Variants in CTNNA2 observed in about 807,000 individuals in gnomAD.
CTNNA2 encodes catenin alpha-2.
CTNNA2 carries 42 observed loss-of-function variants against 101.0 expected under a neutral mutation model. The observed-to-expected ratio is 0.42, with a 90% CI of 0.32 to 0.54. The LOEUF is 0.54. Ranked by LOEUF, CTNNA2 falls within the 20% of genes least tolerant of loss-of-function variation. The pLI is 0.14. For synonymous variants in CTNNA2, 450 were observed against 456.4 expected (o/e 0.99, Z 0.18); for missense variants, 871 against 1,223.1 (o/e 0.71, Z 4.29).
chr2:79,710,274 G>A (rs1038127568), intron 2 of CTNNA2, among the ~76,000 whole-genome samples: 3 of 151,802 alleles, frequency 2.0e-5, no homozygotes, highest in African/African-American at 7.3e-5. Flanking sequence ...CTTCCGTAAT[G>A]TTGCTATTGC....
chr2:79,502,337 A>G (rs1484976550), intron 4 of CTNNA2, among the ~76,000 whole-genome samples: 2 of 152,196 alleles, frequency 1.3e-5, no homozygotes, highest in Non-Finnish European at 2.9e-5. Context: ...TCAGACTTTA[A>G]TGTGGCTTAT....
chr2:80,143,665 T>G (rs1024304419), intron 7 of CTNNA2, among the ~76,000 whole-genome samples: 1 of 151,984 alleles, frequency 6.6e-6, no homozygotes, highest in Admixed American at 6.6e-5. Flanking sequence ...TCCTACATTC[T>G]CCTTTCAAAA....
intron 3 of CTNNA2, among the ~76,000 whole-genome samples, chr2:79,318,683 G>C (rs1349589543): frequency 6.6e-6 from 1 of 152,200 alleles, no homozygotes; most frequent in Non-Finnish European, 1.5e-5. Flanking sequence ...AATCTAGCCT[G>C]CTGCCTGTTT....
intron 1 of CTNNA2, among the ~76,000 whole-genome samples, chr2:79,553,435 G>C (rs1010275042): frequency 1.3e-5 from 2 of 152,082 alleles, no homozygotes; most frequent in Non-Finnish European, 2.9e-5. Flanking sequence ...CCCCACTCCT[G>C]GTATGAATTT....
intron 2 of CTNNA2, among the ~76,000 whole-genome samples, chr2:79,274,867 G>A (rs1237042592): frequency 3.9e-5 from 6 of 151,986 alleles, no homozygotes; most frequent in African/African-American, 1.4e-4. Flanking sequence ...TTGTGAAATA[G>A]ATCATTCTTT....
intron 2 of CTNNA2, among the ~76,000 whole-genome samples, chr2:79,739,195 A>C (rs1261315480): frequency 6.6e-6 from 1 of 151,756 alleles, no homozygotes; most frequent in Non-Finnish European, 1.5e-5. Flanking sequence ...GGAATTAGAG[A>C]GAATCCCTGG....
chr2:79,619,066 C>G (rs950734289), intron 1 of CTNNA2, among the ~76,000 whole-genome samples: 1 of 152,038 alleles, frequency 6.6e-6, no homozygotes, highest in Admixed American at 6.6e-5. Context: ...ATTAGCTGGG[C>G]GTGGTGGCGG....
At chr2:80,346,397 A>G (rs1429746148) in intron 7 of CTNNA2, among the ~76,000 whole-genome samples, 1 of 152,052 alleles carries the variant, frequency 6.6e-6, no homozygotes, top group South Asian at 2.1e-4. Context: ...CACACTTTTA[A>G]ATGACCAGAT....
intron 12 of CTNNA2, among the ~76,000 whole-genome samples, chr2:80,557,482 G>C (rs1435429079): frequency 6.6e-6 from 1 of 152,126 alleles, no homozygotes; most frequent in Non-Finnish European, 1.5e-5. Flanking sequence ...CTTCATGTGA[G>C]ATATCTGACA....
intron 9 of CTNNA2, among the ~76,000 whole-genome samples, chr2:80,500,019 T>G (rs2149531099): frequency 6.6e-6 from 1 of 151,898 alleles, no homozygotes; most frequent in South Asian, 2.1e-4. Context: ...AAGTCTTAAA[T>G]ACTTATTATA....
intron 2 of CTNNA2, among the ~76,000 whole-genome samples, chr2:79,217,834 C>T (rs1013609483): frequency 6.6e-6 from 1 of 152,182 alleles, no homozygotes; most frequent in African/African-American, 2.4e-5. Context: ...TACCCAATTC[C>T]TATTTTCTCT....
chr2:79,195,042 T>A (rs576436705), intron 1 of CTNNA2, among the ~76,000 whole-genome samples: 2 of 152,284 alleles, frequency 1.3e-5, no homozygotes, highest in South Asian at 2.1e-4. Context: ...GAACTGTGAA[T>A]TGGCATGCAT....
chr2:79,729,402 C>G (rs1186282563), intron 2 of CTNNA2, among the ~76,000 whole-genome samples: 1 of 152,070 alleles, frequency 6.6e-6, no homozygotes, highest in East Asian at 1.9e-4. Context: ...CATTTGGCAC[C>G]TAAGTAAGAA....
intron 1 of CTNNA2, among the ~76,000 whole-genome samples, chr2:79,527,504 G>T (rs888308145): frequency 6.7e-6 from 1 of 148,662 alleles, no homozygotes; most frequent in Admixed American, 6.7e-5. Context: ...AATTAACCAG[G>T]CCTGGTGGTT....
chr2:80,185,416 A>G (rs1469460300), intron 7 of CTNNA2, among the ~76,000 whole-genome samples: 1 of 152,176 alleles, frequency 6.6e-6, no homozygotes, highest in Non-Finnish European at 1.5e-5. Flanking sequence ...TTAGAAGCTA[A>G]TTACTAAGTC....
At chr2:79,285,130 G>C (rs1446862479) in intron 2 of CTNNA2, among the ~76,000 whole-genome samples, 2 of 151,250 alleles carry the variant, frequency 1.3e-5, no homozygotes, top group Non-Finnish European at 2.9e-5. Flanking sequence ...TTTTTATTGT[G>C]TCTATTTGAT....
chr2:80,221,071 C>T (rs912854250), intron 7 of CTNNA2, among the ~76,000 whole-genome samples: 3 of 152,064 alleles, frequency 2.0e-5, no homozygotes, highest in Admixed American at 6.6e-5. Context: ...GTAGTAGAGA[C>T]GGGGTTTTAC....
intron 7 of CTNNA2, among the ~76,000 whole-genome samples, chr2:80,225,695 A>G (rs1000347466): frequency 6.6e-5 from 10 of 152,254 alleles, no homozygotes; most frequent in African/African-American, 2.4e-4. Context: ...GCTGAAGCAT[A>G]AATGTAGGAT....
intron 1 of CTNNA2, among the ~76,000 whole-genome samples, chr2:79,542,151 C>T (rs1673465272): frequency 2.6e-5 from 4 of 152,072 alleles, no homozygotes; most frequent in Admixed American, 2.0e-4. Flanking sequence ...CTCAGCACTG[C>T]TAAACTTGCC....
Sources: allele counts gnomAD v4.1 joint callset (sites outside exome capture counted in the v4.1 genomes callset), GRCh38; gene constraint gnomAD v4.1.1; transcripts MANE v1.5; gene names NCBI Gene and HGNC (gene_info 2026-07-23, HGNC 2026-07-21).